Variants in ABCA13 observed in about 807,000 individuals in gnomAD.
ABCA13 encodes ATP binding cassette subfamily A member 13.
In ABCA13, 476 loss-of-function variants were observed where a neutral mutation model predicts 478.7. The observed-to-expected ratio is 0.99, with a 90% CI of 0.92 to 1.07. The LOEUF (loss-of-function observed/expected upper bound fraction) is 1.07. ABCA13 is among the 50% of genes least tolerant of loss of function. The pLI is 0.00. For missense variants in ABCA13, 6,060 were observed against 5,910.6 expected (o/e 1.03, Z -0.83); for synonymous variants, 2,252 against 2,158.9 (o/e 1.04, Z -1.20).
intron 23 of ABCA13, among the ~76,000 whole-genome samples, chr7:48,302,551 G>A (rs961748851): frequency 2.0e-5 from 3 of 152,068 alleles, no homozygotes; most frequent in Non-Finnish European, 2.9e-5. Context: ...TTGTAGCCAT[G>A]TGTTCTCATT....
intron 55 of ABCA13, among the ~76,000 whole-genome samples, chr7:48,540,566 G>C (rs182844989): frequency 7.2e-4 from 109 of 152,174 alleles, no homozygotes; most frequent in Non-Finnish European, 3.2e-4. Flanking sequence ...TTAGAGAGTT[G>C]AAATGTACCT....
chr7:48,634,987 T>G (rs1031037661), intron 59 of ABCA13, among the ~76,000 whole-genome samples: 2 of 152,170 alleles, frequency 1.3e-5, no homozygotes, highest in Admixed American at 1.3e-4. Context: ...TCATAAAATT[T>G]AGGCTGTGTT....
chr7:48,591,076 CT>C lies in ABCA13; in HGVS notation c.14641-3623del, dbSNP rs200602257. ...CCAAGACCAATGTCAAGGAGCTCTT[CT>C]TTTTTTTTTTCTACAAGTTTCATGG... On this transcript the variant is annotated intron_variant, in intron 57 of 61. Transcript: ENST00000435803. 2.2e-3 allele frequency among the ~76,000 whole-genome samples: 325 copies of C among 145,906 alleles called. 1 individual carries two copies. Among genetic ancestry groups the C allele is most frequent in the African/African-American group, 6.9e-3 (277 of 40,104 alleles).
At chr7:48,535,908 C>T (rs1833540023) in intron 55 of ABCA13, among the ~76,000 whole-genome samples, 1 of 152,154 alleles carries the variant, frequency 6.6e-6, no homozygotes, top group African/African-American at 2.4e-5. Context: ...AGTTGGTGAC[C>T]AGGGCTGAGA....
chr7:48,302,558 C>T (rs962585692), intron 23 of ABCA13, among the ~76,000 whole-genome samples: 1 of 152,172 alleles, frequency 6.6e-6, no homozygotes, highest in South Asian at 2.1e-4. Flanking sequence ...CATGTGTTCT[C>T]ATTATTTAGC....
rs530761516 is a variant in ABCA13, at chr7:48,646,293, T to A, written c.*781T>A. ...GAATAATTACTGTTTTTTGTTATTCTAAGTCAGTGTTTTTCAAAGCGTAGT... is the reference window on the plus strand; with the variant it reads ...GAATAATTACTGTTTTTTGTTATTCAAAGTCAGTGTTTTTCAAAGCGTAGT... On this transcript the variant is annotated 3_prime_UTR_variant, in exon 62 of 62. Coordinates refer to ENST00000435803, the MANE Select transcript of ABCA13 (RefSeq NM_152701.5). 1 of 152,208 alleles carries A rather than the reference T, an allele frequency of 6.6e-6. No homozygotes were observed. Among genetic ancestry groups the A allele is most frequent in the Non-Finnish European group, 1.5e-5 (1 of 68,052 alleles). The allele number at this position is 152,208 out of a possible 1,614,324, so 9.4% of individuals were successfully genotyped here. A position where few individuals can be genotyped will look rare whatever the true frequency, so the allele number is the denominator to read the frequency against.
In ABCA13 at chr7:48,507,859, G is replaced by A. The variant is rs1170787318; in HGVS notation, c.13347-13G>A. The stretch of plus-strand genomic sequence containing the variant: ...TCGTCAGGTGCCTGAGAGCTGCTCT[G>A]TTCCACCCGCAGCCTGGAGAGCATC... On this transcript the variant is annotated splice_polypyrimidine_tract_variant and intron_variant, in intron 49 of 61. Transcript: ENST00000435803. 1 of 1,595,534 alleles carries A rather than the reference G, an allele frequency of 6.3e-7. No homozygotes were observed. Among genetic ancestry groups the A allele is most frequent in the East Asian group, 2.3e-5 (1 of 44,160 alleles).
intron 52 of ABCA13, among the ~76,000 whole-genome samples, chr7:48,519,305 T>C (rs1333047108): frequency 6.6e-6 from 1 of 152,228 alleles, no homozygotes; most frequent in Non-Finnish European, 1.5e-5. Flanking sequence ...TTATATTCCT[T>C]TGGGTTTATA....
At chr7:48,233,204 A>G (rs1224488299) in intron 7 of ABCA13, among the ~76,000 whole-genome samples, 1 of 152,094 alleles carries the variant, frequency 6.6e-6, no homozygotes, top group Admixed American at 6.5e-5. Flanking sequence ...CTGCAATTAT[A>G]AGGATCCTAT....
chr7:48,535,382 T>A (rs1585730620), intron 55 of ABCA13, among the ~76,000 whole-genome samples: 1 of 152,196 alleles, frequency 6.6e-6, no homozygotes, highest in Non-Finnish European at 1.5e-5. Flanking sequence ...CTTTCAGCCG[T>A]GGATACCAGC....
chr7:48,497,414 A>G (rs1015210247), intron 48 of ABCA13, among the ~76,000 whole-genome samples: 2 of 152,172 alleles, frequency 1.3e-5, no homozygotes, highest in Non-Finnish European at 2.9e-5. Context: ...GTTCATTTTG[A>G]CATTACCATT....
At chr7:48,332,339 A>G (rs1805539289) in intron 27 of ABCA13, among the ~76,000 whole-genome samples, 2 of 152,248 alleles carry the variant, frequency 1.3e-5, no homozygotes, top group Non-Finnish European at 2.9e-5. Flanking sequence ...CTTACAAAGA[A>G]CGTCTGGCTC....
chr7:48,506,309 G>C (rs181316953), intron 48 of ABCA13, 27 bp from the exon 49 acceptor site: 2 of 1,612,382 alleles, frequency 1.2e-6, no homozygotes, highest in African/African-American at 1.3e-5. Context: ...CAGGCTGAAG[G>C]CTCACTTTTC....
chr7:48,467,764 A>C (rs1345637322), intron 44 of ABCA13, among the ~76,000 whole-genome samples: 4 of 152,232 alleles, frequency 2.6e-5, no homozygotes, highest in Non-Finnish European at 4.4e-5. Context: ...CCAGAAGTGT[A>C]TGTTTTTAAG....
rs140963697 is a variant in ABCA13, at chr7:48,532,618, A to G, written c.14354+4273A>G. ...GAATGTCTGATAGAATTCAGCTGTA[A>G]ATTCCTCTGGTACTGGATTTGTTTT... On this transcript the variant is annotated intron_variant, in intron 55 of 61. Coordinates refer to ENST00000435803, the MANE Select transcript of ABCA13 (RefSeq NM_152701.5). 6.2e-3 allele frequency among the ~76,000 whole-genome samples: 943 copies of G among 152,112 alleles called. 10 individuals carry two copies. Among genetic ancestry groups the G allele is most frequent in the African/African-American group, 0.022 (899 of 41,526 alleles).
intron 55 of ABCA13, among the ~76,000 whole-genome samples, chr7:48,579,045 A>G (rs1272270075): frequency 1.3e-5 from 2 of 152,378 alleles, no homozygotes; most frequent in East Asian, 3.9e-4. Flanking sequence ...AGAAAATAAC[A>G]TAGGATAAAA....
At chr7:48,394,943 A>G (rs962868588) in intron 38 of ABCA13, among the ~76,000 whole-genome samples, 1 of 152,112 alleles carries the variant, frequency 6.6e-6, no homozygotes, top group Non-Finnish European at 1.5e-5. Flanking sequence ...CCTTGGTTGT[A>G]TGGTGAAGGG....
chr7:48,177,668 G>A (rs1274107391), intron 1 of ABCA13, among the ~76,000 whole-genome samples: 1 of 152,188 alleles, frequency 6.6e-6, no homozygotes, highest in Non-Finnish European at 1.5e-5. Flanking sequence ...TGACATGATG[G>A]CTTCTCCCTC....
At chr7:48,585,800 G>C (rs1029173717) in intron 56 of ABCA13, among the ~76,000 whole-genome samples, 1 of 152,026 alleles carries the variant, frequency 6.6e-6, no homozygotes, top group African/African-American at 2.4e-5. Flanking sequence ...TCTAAAAAAT[G>C]AATCTATATT....
Sources: allele counts gnomAD v4.1 joint callset (sites outside exome capture counted in the v4.1 genomes callset), GRCh38; gene constraint gnomAD v4.1.1; transcripts MANE v1.5; gene names NCBI Gene and HGNC (gene_info 2026-07-23, HGNC 2026-07-21).